LAMA3: variants seen among roughly 807,000 people sequenced by gnomAD.
LAMA3 encodes laminin subunit alpha 3.
LAMA3 carries 281 observed loss-of-function variants against 402.0 expected under a neutral mutation model. That is an observed-to-expected ratio of 0.70 (90% CI 0.63 to 0.77). The LOEUF (loss-of-function observed/expected upper bound fraction) is 0.77, where lower values mean the gene tolerates loss of function less well. Among genes scored for constraint, LAMA3 ranks in the 30% least tolerant of loss-of-function variants. The pLI is 0.00. For missense variants in LAMA3, 3,840 were observed against 4,215.5 expected (o/e 0.91, Z 2.47); for synonymous variants, 1,431 against 1,558.4 (o/e 0.92, Z 1.93).
At chr18:23,779,928 G>A (rs1309753675) in intron 11 of LAMA3, among the ~76,000 whole-genome samples, 4 of 152,124 alleles carry the variant, frequency 2.6e-5, no homozygotes, top group African/African-American at 9.7e-5. Context: ...ACTGTGTGTG[G>A]GACTGTCTCA....
chr18:23,908,365 C>T (rs1019922926), intron 54 of LAMA3, among the ~76,000 whole-genome samples: 1 of 151,546 alleles, frequency 6.6e-6, no homozygotes, highest in African/African-American at 2.4e-5. Context: ...CCTGTCTCTA[C>T]TAAAAATACA....
intron 29 of LAMA3, among the ~76,000 whole-genome samples, chr18:23,843,690 G>A (rs1481269411): frequency 2.0e-5 from 3 of 152,096 alleles, no homozygotes; most frequent in African/African-American, 4.8e-5. Context: ...AACAACTGAT[G>A]GGATACACTC....
At position 23,951,933 on chromosome 18, in the gene LAMA3, C is replaced by A. The variant is rs139976026; in HGVS notation, c.9736+156C>A. Among the ~76,000 whole-genome samples the A allele has an allele frequency of 2.0e-3, 307 of 152,352 alleles. 3 individuals are homozygous for A. The highest frequency in any genetic ancestry group is 0.014 in the Middle Eastern group (4 of 294). On this transcript the variant is annotated intron_variant, in intron 73 of 74. Coordinates refer to ENST00000313654, the MANE Select transcript of LAMA3 (RefSeq NM_198129.4). ...GTGTCCATTCACAACCCCAGCCATG[C>A]TTCCGTCACTCATGGTTGCCACCTC...
intron 2 of LAMA3, among the ~76,000 whole-genome samples, chr18:23,716,305 G>C (rs1224654109): frequency 2.0e-5 from 3 of 152,098 alleles, no homozygotes; most frequent in Non-Finnish European, 4.4e-5. Context: ...CTACAGGCAT[G>C]TGCCACCATG....
chr18:23,946,595 A>AC (rs2082722687), intron 70 of LAMA3: 1 of 328,018 alleles, frequency 3.0e-6, no homozygotes, highest in Non-Finnish European at 5.7e-6. Context: ...TAGGTTATAG[A>AC]CAGAGATTTT....
In LAMA3 at chr18:23,749,433, A is replaced by G. The variant is rs1294635498; in HGVS notation, c.571A>G (p.Lys191Glu). The G allele has an allele frequency of 4.5e-6, 7 of 1,544,926 alleles. No individual in the cohort carries two copies. Among genetic ancestry groups the G allele is most frequent in the South Asian group, 3.4e-5 (3 of 88,900 alleles). ...TTAAAATATTTTCCTTCTAGATTCT[A>G]AAGTAGACTGTTTAAAAGAATTTGG... ...YSPWQYFAHS[K>E]VDCLKEFGRE... Residue 191 changes from lysine (K) to glutamate (E), a missense_variant, in exon 4 of 75, where the codon AAA becomes GAA. Physicochemically the swap from Lys to Glu is moderately conservative, Grantham distance 56 (BLOSUM62 1). Coordinates refer to ENST00000313654, the MANE Select transcript of LAMA3 (RefSeq NM_198129.4).
intron 3 of LAMA3, among the ~76,000 whole-genome samples, chr18:23,748,568 G>A (rs984907881): frequency 2.6e-5 from 4 of 151,904 alleles, no homozygotes; most frequent in Non-Finnish European, 5.9e-5. Context: ...GCCAAGGCAG[G>A]CGGGTCACTT....
At chr18:23,847,898 C>A (rs1297841581) in intron 32 of LAMA3, among the ~76,000 whole-genome samples, 2 of 152,248 alleles carry the variant, frequency 1.3e-5, no homozygotes, top group African/African-American at 2.4e-5. Flanking sequence ...CTTGGGCCGG[C>A]AGCAGCCTTG....
chr18:23,879,840 C>T lies in LAMA3; in HGVS notation c.5113-2096C>T, dbSNP rs2064839875. On this transcript the variant is annotated intron_variant, in intron 39 of 74. Transcript: ENST00000313654. This position sits in a 1 kb window ranked among gnomAD's most constrained non-coding sequence, Gnocchi z 4.2. Reference sequence around the variant, plus strand: ...ACACTCTTCCTTGATCCTCTCCTCTCACCCCTGTGAAGGACCAGTACTCAG... The same window carrying T: ...ACACTCTTCCTTGATCCTCTCCTCTTACCCCTGTGAAGGACCAGTACTCAG... Among the ~76,000 whole-genome samples, 2 of 152,204 alleles carry T rather than the reference C, an allele frequency of 1.3e-5. No individual in the cohort carries two copies. The highest frequency in any genetic ancestry group is 2.1e-4 in the South Asian group (1 of 4,834).
chr18:23,811,358 T>G (rs1008011431), intron 13 of LAMA3, among the ~76,000 whole-genome samples: 2 of 152,220 alleles, frequency 1.3e-5, no homozygotes, highest in Non-Finnish European at 2.9e-5. Context: ...TCAGACCCCT[T>G]CCTGCGCTTT....
At chr18:23,827,542 A>AT in intron 23 of LAMA3, 75 bp downstream of exon 23, 3 of 1,500,422 alleles carry the variant, frequency 2.0e-6, no homozygotes, top group Non-Finnish European at 2.7e-6. Flanking sequence ...ACTTGGCCAC[A>AT]GTTGCTTCTC....
chr18:23,805,089 G>A (rs912355423), intron 12 of LAMA3, among the ~76,000 whole-genome samples: 1 of 152,160 alleles, frequency 6.6e-6, no homozygotes, highest in African/African-American at 2.4e-5. Context: ...CTGGCCAGTT[G>A]AAAACAAACT....
At chr18:23,873,755 C>T (rs1169620722) in intron 38 of LAMA3, among the ~76,000 whole-genome samples, 1 of 152,126 alleles carries the variant, frequency 6.6e-6, no homozygotes, top group Non-Finnish European at 1.5e-5. Flanking sequence ...CCTATGGCTA[C>T]AGATACAGCC....
intron 13 of LAMA3, 57 bp from the exon 14 acceptor site, chr18:23,813,000 A>G (rs2063103344): frequency 1.6e-6 from 2 of 1,215,930 alleles, no homozygotes; most frequent in Admixed American, 1.7e-5. Flanking sequence ...TTGAAACATC[A>G]AAACAAAGAG....
At chr18:23,756,947 C>T (rs2061858615) in intron 6 of LAMA3, among the ~76,000 whole-genome samples, 1 of 141,388 alleles carries the variant, frequency 7.1e-6, no homozygotes, top group South Asian at 2.4e-4. Flanking sequence ...CTCCCTTCCC[C>T]CGCCCCGCCC....
At chr18:23,763,920 G>A (rs1344872398) in intron 8 of LAMA3, among the ~76,000 whole-genome samples, 2 of 152,078 alleles carry the variant, frequency 1.3e-5, no homozygotes, top group Admixed American at 6.5e-5. Flanking sequence ...GTGAGGAAAT[G>A]CATCATGATC....
intron 69 of LAMA3, among the ~76,000 whole-genome samples, chr18:23,945,001 CAT>C (rs2082656230): frequency 3.9e-5 from 6 of 152,084 alleles, no homozygotes; most frequent in Non-Finnish European, 5.9e-5. Flanking sequence ...GGCATGGTGG[CAT>C]GCACCTGTAA....
intron 32 of LAMA3, 44 bp downstream of exon 32, chr18:23,847,712 C>T (rs781623869): frequency 2.5e-5 from 40 of 1,568,944 alleles, no homozygotes; most frequent in East Asian, 9.2e-5. Context: ...ACAGGGAGGT[C>T]GCGTGCCATC....
chr18:23,797,134 C>T (rs565154453), intron 12 of LAMA3, among the ~76,000 whole-genome samples: 3 of 152,204 alleles, frequency 2.0e-5, no homozygotes, highest in Non-Finnish European at 4.4e-5. Flanking sequence ...AAGAAATTCA[C>T]TGCCTCGTGT....
Sources: gnomAD v4.1 joint callset for allele counts (sites outside exome capture counted in the v4.1 genomes callset) on GRCh38, gnomAD v4.1.1 for gene constraint, Gnocchi (gnomAD v3.1) non-coding constraint, MANE v1.5 for transcripts, NCBI Gene and HGNC (gene_info 2026-07-23, HGNC 2026-07-21) for gene names.